The following NECTIN1 variants were observed in gnomAD, a reference collection of about 807,000 sequenced individuals.
NECTIN1 encodes nectin cell adhesion molecule 1.
Under a neutral mutation model 48.0 loss-of-function variants are expected in NECTIN1, and 23 were observed. That is an observed-to-expected ratio of 0.48 (90% CI 0.34 to 0.68). NECTIN1 has a LOEUF of 0.68. Among genes scored for constraint, NECTIN1 ranks in the 30% least tolerant of loss-of-function variants. The pLI is 0.01. For synonymous variants in NECTIN1, 270 were observed against 288.9 expected (o/e 0.93, Z 0.66); for missense variants, 591 against 709.9 (o/e 0.83, Z 1.90).
At chr11:119,714,023 T>C in intron 1 of NECTIN1, 1 of 350,794 alleles carries the variant, frequency 2.9e-6, no homozygotes, top group Non-Finnish European at 5.7e-6. Flanking sequence ...GGACAGAGGC[T>C]TCTGAGTTGC....
chr11:119,677,580 C>T lies in NECTIN1; in HGVS notation c.708G>A (p.Lys236=). 1 of 1,612,874 alleles carries T rather than the reference C, an allele frequency of 6.2e-7. No homozygotes were observed. Among genetic ancestry groups the T allele is most frequent in the Non-Finnish European group, 8.5e-7 (1 of 1,180,010 alleles). The change falls in exon 3 of 6, where the codon AAG becomes AAA. Residue 236 remains lysine, a synonymous_variant. Coordinates refer to ENST00000264025, the MANE Select transcript of NECTIN1 (RefSeq NM_002855.5). This position sits in a 1 kb window ranked among gnomAD's most constrained non-coding sequence, Gnocchi z 5.4. ...CIVNYHMDRF[K]ESLTLNVQYE... The stretch of plus-strand genomic sequence containing the variant: ...ACTGCACGTTGAGAGTGAGGCTTTC[C>T]TTGAAGCGGTCCATGTGGTAGTTGA...
At chr11:119,654,247 T>TC (rs1864534191) in intron 5 of NECTIN1, 8 of 150,154 alleles carry the variant, frequency 5.3e-5, no homozygotes, top group Non-Finnish European at 1.0e-4. Flanking sequence ...ATCTGAATAT[T>TC]CATCCATCCA....
intron 5 of NECTIN1, among the ~76,000 whole-genome samples, chr11:119,650,178 A>C (rs1802762126): frequency 6.6e-6 from 1 of 152,202 alleles, no homozygotes; most frequent in South Asian, 2.1e-4. Flanking sequence ...CAGTTAAGGC[A>C]GGAACGGGCC....
chr11:119,708,548 T>C (rs892618555), intron 1 of NECTIN1, among the ~76,000 whole-genome samples: 1 of 145,058 alleles, frequency 6.9e-6, no homozygotes, highest in Non-Finnish European at 1.5e-5. Context: ...ATTCCATTTA[T>C]ACGAAATGTC....
At chr11:119,674,054 G>T (rs1021932506) in intron 5 of NECTIN1, among the ~76,000 whole-genome samples, 12 of 152,152 alleles carry the variant, frequency 7.9e-5, no homozygotes, top group Admixed American at 2.6e-4. Context: ...CTGCAGCTGT[G>T]TCCTAAATAT....
In NECTIN1 at chr11:119,683,571, C is replaced by T. The variant is rs895611106; in HGVS notation, c.80-4806G>A. Among the ~76,000 whole-genome samples the T allele has an allele frequency of 1.6e-5, 2 of 125,946 alleles. No individual in the cohort carries two copies. Among genetic ancestry groups the T allele is most frequent in the African/African-American group, 3.1e-5 (1 of 32,310 alleles). 82.6% of individuals were successfully genotyped at this position (125,946 alleles called of 152,430 possible). A position where few individuals can be genotyped will look rare whatever the true frequency, so the allele number is the denominator to read the frequency against. ...TCAGAAACAGGGGCTTTGGGGATCCCGGGTGTGTGTGTGTGTGTGTGTGTG... is the reference window on the plus strand; with the variant it reads ...TCAGAAACAGGGGCTTTGGGGATCCTGGGTGTGTGTGTGTGTGTGTGTGTG... On this transcript the variant is annotated intron_variant, in intron 1 of 5. Coordinates refer to ENST00000264025, the MANE Select transcript of NECTIN1 (RefSeq NM_002855.5). The surrounding 1 kb of genome is among the most constrained non-coding windows in gnomAD (Gnocchi z 4.0).
At chr11:119,706,089 C>T (rs1865544883) in intron 1 of NECTIN1, among the ~76,000 whole-genome samples, 1 of 152,202 alleles carries the variant, frequency 6.6e-6, no homozygotes, top group Non-Finnish European at 1.5e-5. Flanking sequence ...GCTGCAGCCT[C>T]CCCTCGGCCG....
rs1403676219 is a variant in NECTIN1 at position 119,677,935 on chromosome 11, C to G, written c.431-78G>C. On this transcript the variant is annotated intron_variant, in intron 2 of 5. Transcript: ENST00000264025. This position sits in a 1 kb window ranked among gnomAD's most constrained non-coding sequence, Gnocchi z 5.4. Reference sequence around the variant, plus strand: ...TGCACCGGCCAAAAGGGCGTGGCATCCGTCAGGCCTTGTCTTCAGGTCCCC... The same window carrying G: ...TGCACCGGCCAAAAGGGCGTGGCATGCGTCAGGCCTTGTCTTCAGGTCCCC... The G allele has an allele frequency of 2.2e-5, 32 of 1,448,978 alleles. No homozygotes were observed. Among genetic ancestry groups the G allele is most frequent in the Non-Finnish European group, 2.8e-5 (29 of 1,043,632 alleles). The allele number at this position is 1,448,978 out of a possible 1,614,324, so 89.8% of individuals were successfully genotyped here. A position where few individuals can be genotyped will look rare whatever the true frequency, so the allele number is the denominator to read the frequency against.
chr11:119,664,636 A>G lies in NECTIN1; in HGVS notation c.*111T>C, dbSNP rs1591448582. 4 of 1,427,864 alleles carry G rather than the reference A, an allele frequency of 2.8e-6. No homozygotes were observed. The East Asian group carries it at 1.0e-4, about 37-fold the overall frequency. 88.4% of individuals were successfully genotyped at this position (1,427,864 alleles called of 1,614,324 possible). A position where few individuals can be genotyped will look rare whatever the true frequency, so the allele number is the denominator to read the frequency against. The stretch of plus-strand genomic sequence containing the variant: ...CAGGAGTTCGGGGCTGGCTTTGGGC[A>G]GCTGGGCAAGTCTCTGTTCAGCTCC... On this transcript the variant is annotated 3_prime_UTR_variant, in exon 6 of 6. Transcript: ENST00000264025.
intron 1 of NECTIN1, among the ~76,000 whole-genome samples, chr11:119,720,604 C>T (rs1030927003): frequency 6.6e-6 from 1 of 152,240 alleles, no homozygotes; most frequent in Non-Finnish European, 1.5e-5. Context: ...CCTGAGGCAT[C>T]GAGAAGGGAC....
At chr11:119,695,081 C>T (rs1295497732) in intron 1 of NECTIN1, among the ~76,000 whole-genome samples, 11 of 152,140 alleles carry the variant, frequency 7.2e-5, no homozygotes, top group African/African-American at 2.4e-4. Context: ...ATGGGTATTA[C>T]GTTAGGTAAT....
intron 1 of NECTIN1, among the ~76,000 whole-genome samples, chr11:119,713,355 G>A (rs1448583986): frequency 1.3e-5 from 2 of 152,100 alleles, no homozygotes; most frequent in Non-Finnish European, 2.9e-5. Context: ...CTAGGGTTGT[G>A]GGGTGGAAGG....
chr11:119,712,529 C>A (rs74706198), intron 1 of NECTIN1, among the ~76,000 whole-genome samples: 6,193 of 152,134 alleles, frequency 0.041, 417 homozygotes, highest in African/African-American at 0.14. Flanking sequence ...GGAGAGGGAC[C>A]CCTCATTCTT....
chr11:119,727,193 C>T lies in NECTIN1; in HGVS notation c.79+1282G>A, dbSNP rs549435767. ...GGAATGAGGCCAGGCTTCTGCCTTC[C>T]AGGAGTGCACCCTAGCCCCGGAACT... On this transcript the variant is annotated intron_variant, in intron 1 of 5. Transcript: ENST00000264025. The surrounding 1 kb of genome is among the most constrained non-coding windows in gnomAD (Gnocchi z 4.1). 2.0e-4 allele frequency among the ~76,000 whole-genome samples: 31 copies of T among 152,330 alleles called. No individual in the cohort carries two copies. The highest frequency in any genetic ancestry group is 7.2e-4 in the African/African-American group (30 of 41,566).
At chr11:119,697,578 T>C (rs888438741) in intron 1 of NECTIN1, among the ~76,000 whole-genome samples, 4 of 152,232 alleles carry the variant, frequency 2.6e-5, no homozygotes, top group Admixed American at 2.6e-4. Flanking sequence ...TACCAGGCAC[T>C]CAGAATCTCC....
intron 5 of NECTIN1, chr11:119,654,294 T>TCCAG (rs1555075673): frequency 7.1e-6 from 1 of 140,946 alleles, no homozygotes; most frequent in Admixed American, 7.3e-5. Context: ...CATCCATCCA[T>TCCAG]CCAACCATCC....
rs572270114 is a variant in NECTIN1 at position 119,678,322 on chromosome 11, G to T, written c.430+93C>A. The T allele has an allele frequency of 5.1e-6, 6 of 1,173,412 alleles. No individual in the cohort carries two copies. The African/African-American group carries it at 9.0e-5, about 18-fold the overall frequency. 72.7% of individuals were successfully genotyped at this position (1,173,412 alleles called of 1,614,324 possible). ...TGATGGCAGCATGCCCACCCAAGGG[G>T]GATGTCTGGGGTCATTGAGGCATCC... On this transcript the variant is annotated intron_variant, in intron 2 of 5. Coordinates refer to ENST00000264025, the MANE Select transcript of NECTIN1 (RefSeq NM_002855.5). The surrounding 1 kb of genome is among the most constrained non-coding windows in gnomAD (Gnocchi z 4.4).
intron 5 of NECTIN1, chr11:119,642,431 C>T (rs1014288934): frequency 6.5e-6 from 1 of 152,892 alleles, no homozygotes; most frequent in Non-Finnish European, 1.5e-5. Context: ...CACGGTTGGC[C>T]CCACATGGAA....
At chr11:119,710,159 G>C (rs377219010) in intron 1 of NECTIN1, 1 of 152,218 alleles carries the variant, frequency 6.6e-6, no homozygotes, top group Non-Finnish European at 1.5e-5. Context: ...TTACAGAAGC[G>C]CTGAAACAGA....
Sources: gnomAD v4.1 joint callset for allele counts (sites outside exome capture counted in the v4.1 genomes callset) on GRCh38, gnomAD v4.1.1 for gene constraint, Gnocchi (gnomAD v3.1) non-coding constraint, MANE v1.5 for transcripts, NCBI Gene and HGNC (gene_info 2026-07-23, HGNC 2026-07-21) for gene names.